The following DNMT3A variants were observed in gnomAD, a reference collection of about 807,000 sequenced individuals.
The protein encoded by DNMT3A is DNA methyltransferase 3 alpha.
A neutral mutation model predicts 117.6 loss-of-function variants in DNMT3A; 267 were observed. The observed-to-expected ratio is 2.27, with a 90% CI of 2.05 to 2.51. DNMT3A has a LOEUF of 2.51. DNMT3A is among the 30% of genes most tolerant of loss of function. DNMT3A has a pLI of 0.00. For missense variants in DNMT3A, 1,029 were observed against 1,260.2 expected (o/e 0.82, Z 2.78); for synonymous variants, 432 against 474.8 (o/e 0.91, Z 1.17).
At chr2:25,341,372 C>T (rs979093331) in intron 1 of DNMT3A, among the ~76,000 whole-genome samples, 9 of 145,552 alleles carry the variant, frequency 6.2e-5, no homozygotes, top group African/African-American at 2.2e-4. Context: ...GGCGCCCTGG[C>T]CGCGGGCTCC....
intron 2 of DNMT3A, among the ~76,000 whole-genome samples, chr2:25,312,395 C>T (rs1305308473): frequency 2.0e-5 from 3 of 152,204 alleles, no homozygotes; most frequent in East Asian, 3.8e-4. Context: ...CCCAGTGGGC[C>T]GCAGCGCATG....
chr2:25,330,420 C>G (rs891959812), intron 1 of DNMT3A, among the ~76,000 whole-genome samples: 1 of 152,192 alleles, frequency 6.6e-6, no homozygotes, highest in African/African-American at 2.4e-5. Flanking sequence ...TCAACAAGAG[C>G]CCCGCTGCGA....
At chr2:25,313,424 G>T (rs1267767179) in intron 2 of DNMT3A, among the ~76,000 whole-genome samples, 1 of 152,188 alleles carries the variant, frequency 6.6e-6, no homozygotes, top group African/African-American at 2.4e-5. Flanking sequence ...CCCAGCCTGT[G>T]CCTCCGTCTG....
chr2:25,243,488 A>G (rs1674322025), intron 16 of DNMT3A, among the ~76,000 whole-genome samples: 1 of 152,242 alleles, frequency 6.6e-6, no homozygotes, highest in East Asian at 1.9e-4. Flanking sequence ...CAAAATATTA[A>G]TAAAAGGATA....
rs781254365 is a variant in DNMT3A, at chr2:25,313,927, C to T, written c.58G>A (p.Glu20Lys). ...GDTSSSAAER[E>K]EDRKDGEEQE... ...CCGCTGCTCACCTTTCGGTCCTCCTCCCGCTCCGCAGCAGAGCTGCTGGTG... is the reference window on the plus strand; with the variant it reads ...CCGCTGCTCACCTTTCGGTCCTCCTTCCGCTCCGCAGCAGAGCTGCTGGTG... Residue 20 changes from glutamate (E) to lysine (K), a missense_variant, in exon 2 of 23, where the codon GAG becomes AAG. Coordinates refer to ENST00000321117, the MANE Select transcript of DNMT3A (RefSeq NM_022552.5). 2.5e-5 allele frequency: 38 copies of T among 1,549,796 alleles called. No individual in the cohort carries two copies. Among genetic ancestry groups the T allele is most frequent in the Non-Finnish European group, 3.1e-5 (35 of 1,147,088 alleles).
At chr2:25,276,589 C>T (rs2031429680) in intron 4 of DNMT3A, among the ~76,000 whole-genome samples, 1 of 152,244 alleles carries the variant, frequency 6.6e-6, no homozygotes, top group East Asian at 1.9e-4. Context: ...CCTGCACTCC[C>T]CACCAGGTCC....
At chr2:25,284,682 A>G (rs1392908783) in intron 3 of DNMT3A, among the ~76,000 whole-genome samples, 1 of 121,014 alleles carries the variant, frequency 8.3e-6, no homozygotes, top group Non-Finnish European at 1.8e-5. Context: ...AAAAGACTAT[A>G]CAAAAAAAAA....
At chr2:25,264,135 T>TTTTTTTTTTTTTTC (rs2029974939) in intron 6 of DNMT3A, among the ~76,000 whole-genome samples, 1 of 122,718 alleles carries the variant, frequency 8.1e-6, no homozygotes, top group Non-Finnish European at 1.7e-5. Context: ...CCCTTTGGTT[T>TTTTTTTTTTTTTTC]TTTTTTTTTT....
intron 4 of DNMT3A, among the ~76,000 whole-genome samples, chr2:25,278,685 G>C (rs1199710004): frequency 6.6e-6 from 1 of 152,202 alleles, no homozygotes; most frequent in Non-Finnish European, 1.5e-5. Context: ...AATTAACCAG[G>C]TATGGTGGCT....
At chr2:25,243,708 T>C (rs1674350876) in intron 16 of DNMT3A, among the ~76,000 whole-genome samples, 190 bp downstream of exon 16, 1 of 152,260 alleles carries the variant, frequency 6.6e-6, no homozygotes, top group Non-Finnish European at 1.5e-5. Flanking sequence ...TGTTTTACTT[T>C]TTTATTTTTG....
At chr2:25,289,569 T>G (rs12999687) in intron 3 of DNMT3A, among the ~76,000 whole-genome samples, 73,025 of 152,018 alleles carry the variant, frequency 0.48, 17,931 homozygotes, top group African/African-American at 0.51. Context: ...ACGCCTCTGA[T>G]CAGTAAAGCT....
At chr2:25,334,622 G>A (rs1010660611) in intron 1 of DNMT3A, among the ~76,000 whole-genome samples, 3 of 152,200 alleles carry the variant, frequency 2.0e-5, no homozygotes, top group African/African-American at 7.2e-5. Flanking sequence ...GTTTCAAGTC[G>A]CCATCCTATA....
At chr2:25,251,805 A>C (rs1252564457) in intron 6 of DNMT3A, 1 of 291,950 alleles carries the variant, frequency 3.4e-6, no homozygotes, top group Non-Finnish European at 6.4e-6. Context: ...CCAGCCAGAA[A>C]CGCAGGTCAC....
intron 3 of DNMT3A, among the ~76,000 whole-genome samples, chr2:25,289,427 C>T (rs2032581634): frequency 6.6e-6 from 1 of 152,158 alleles, no homozygotes; most frequent in African/African-American, 2.4e-5. Context: ...TAGGCCTCTC[C>T]ACCTATGGCT....
Position 25,277,130 on chromosome 2 carries a change from C to T in DNMT3A, c.449-1587G>A, listed in dbSNP as rs1009338908. On this transcript the variant is annotated intron_variant, in intron 4 of 22. Transcript: ENST00000321117. ...CCCGCGGGGGCCGCGTGGGCGGGGA[C>T]GGGGCGTCTTGTCGCGGGCACCTGT... Among the ~76,000 whole-genome samples the T allele has an allele frequency of 7.2e-5, 11 of 152,098 alleles. No homozygotes were observed. In the South Asian group the frequency reaches 1.0e-3, roughly 14 times the overall value.
At chr2:25,264,432 G>C (rs774882676) in intron 6 of DNMT3A, among the ~76,000 whole-genome samples, 4 of 147,038 alleles carry the variant, frequency 2.7e-5, no homozygotes, top group Admixed American at 6.7e-5. Context: ...GAGCCACTGT[G>C]CTGGGCCAAA....
intron 10 of DNMT3A, 124 bp downstream of exon 10, chr2:25,246,496 C>T (rs937171838): frequency 7.9e-5 from 116 of 1,461,212 alleles, no homozygotes; most frequent in African/African-American, 7.5e-4. Context: ...AGAGAGACCC[C>T]GGCTGTTCCC....
chr2:25,336,903 A>C (rs2035237576), intron 1 of DNMT3A, among the ~76,000 whole-genome samples: 1 of 152,090 alleles, frequency 6.6e-6, no homozygotes, highest in Non-Finnish European at 1.5e-5. Context: ...TGATGACCTT[A>C]GTTGGTTGTG....
At chr2:25,323,078 TGACCTCAACCCTCACCCCAGGCAAGTG>T (rs2034658123) in intron 1 of DNMT3A, among the ~76,000 whole-genome samples, 1 of 152,106 alleles carries the variant, frequency 6.6e-6, no homozygotes, top group East Asian at 1.9e-4. Flanking sequence ...GTGCCTGTGC[TGACCTCAACCCTCACCCCAGGCAAGTG>T]GTGAGCACGT....
Sources: gnomAD v4.1 joint callset for allele counts (sites outside exome capture counted in the v4.1 genomes callset) on GRCh38, gnomAD v4.1.1 for gene constraint, MANE v1.5 for transcripts, NCBI Gene and HGNC (gene_info 2026-07-23, HGNC 2026-07-21) for gene names.